RFX4: variants seen among roughly 807,000 people sequenced by gnomAD.
RFX4 encodes transcription factor RFX4.
Under a neutral mutation model 95.0 loss-of-function variants are expected in RFX4, and 10 were observed. The observed-to-expected ratio is 0.11, with a 90% CI of 0.06 to 0.18. The LOEUF (loss-of-function observed/expected upper bound fraction) is 0.18. Ranked by LOEUF, RFX4 falls within the 10% of genes least tolerant of loss-of-function variation. The pLI is 1.00. For missense variants in RFX4, 640 were observed against 922.0 expected, an observed-to-expected ratio of 0.69 and a Z score of 3.96; for synonymous variants, 321 against 340.7, an observed-to-expected ratio of 0.94 and a Z score of 0.64.
chr12:106,736,529 G>A (rs2042711958), intron 15 of RFX4, among the ~76,000 whole-genome samples: 1 of 152,210 alleles, frequency 6.6e-6, no homozygotes, highest in South Asian at 2.1e-4. Context: ...GATGAAAACC[G>A]ACTCTCTTAA....
chr12:106,746,004 A>G (rs1042840695), intron 15 of RFX4, among the ~76,000 whole-genome samples: 5 of 151,928 alleles, frequency 3.3e-5, no homozygotes, highest in African/African-American at 1.2e-4. Flanking sequence ...AGGTAGGAGG[A>G]TCACTTGAGA....
At chr12:106,641,495 A>T (rs1047112947) in intron 3 of RFX4, among the ~76,000 whole-genome samples, 1 of 152,190 alleles carries the variant, frequency 6.6e-6, no homozygotes, top group African/African-American at 2.4e-5. Context: ...GACCACCTGG[A>T]GCAGGCCCCG....
intron 4 of RFX4, among the ~76,000 whole-genome samples, chr12:106,669,720 G>C (rs60276653): frequency 2.6e-5 from 4 of 151,784 alleles, no homozygotes; most frequent in Non-Finnish European, 4.4e-5. Context: ...AAAAAAATAC[G>C]TACATAGACA....
chr12:106,684,049 G>C (rs1014518003), intron 5 of RFX4, among the ~76,000 whole-genome samples: 1 of 152,082 alleles, frequency 6.6e-6, no homozygotes, highest in Non-Finnish European at 1.5e-5. Flanking sequence ...AACTCCCTTG[G>C]CAAATTGACA....
intron 13 of RFX4, among the ~76,000 whole-genome samples, chr12:106,726,922 C>T (rs2042510683): frequency 6.6e-6 from 1 of 151,978 alleles, no homozygotes; most frequent in African/African-American, 2.4e-5. Context: ...CAGGTGTGTA[C>T]CACCACGCCC....
chr12:106,760,919 G>C (rs980881019), intron 17 of RFX4, among the ~76,000 whole-genome samples: 1 of 151,904 alleles, frequency 6.6e-6, no homozygotes, highest in African/African-American at 2.4e-5. Flanking sequence ...TCTCATTTTG[G>C]GTTTGACTTC....
At chr12:106,666,735 G>T (rs535659023) in intron 4 of RFX4, among the ~76,000 whole-genome samples, 6 of 152,198 alleles carry the variant, frequency 3.9e-5, no homozygotes, top group Admixed American at 3.3e-4. Context: ...CAGTGTTTTT[G>T]ATCTTTAGCA....
At chr12:106,692,266 A>C (rs1163285331) in intron 7 of RFX4, among the ~76,000 whole-genome samples, 2 of 152,188 alleles carry the variant, frequency 1.3e-5, no homozygotes, top group South Asian at 2.1e-4. Context: ...TTGAGTCTCA[A>C]ATCTGCCACT....
chr12:106,750,246 G>A (rs2042974225), intron 16 of RFX4, among the ~76,000 whole-genome samples: 1 of 152,164 alleles, frequency 6.6e-6, no homozygotes. Context: ...GGAGGCCAAG[G>A]TGGGTGGATC....
chr12:106,732,001 A>C, intron 13 of RFX4, 129 bp from the exon 14 acceptor site: 1 of 1,334,968 alleles, frequency 7.5e-7, no homozygotes, highest in Non-Finnish European at 1.0e-6. Flanking sequence ...AGGAGATCAT[A>C]ATTGAGTGGA....
chr12:106,620,819 C>T (rs975687134), intron 2 of RFX4, among the ~76,000 whole-genome samples: 4 of 152,002 alleles, frequency 2.6e-5, no homozygotes, highest in African/African-American at 9.7e-5. Context: ...ACTCCCAGAG[C>T]GGCTGTTTAT....
chr12:106,664,255 G>C (rs1167185319), intron 4 of RFX4, among the ~76,000 whole-genome samples: 1 of 151,836 alleles, frequency 6.6e-6, no homozygotes, highest in East Asian at 1.9e-4. Context: ...GACCTATTCT[G>C]TCTGTTTCTT....
chr12:106,689,795 T>C (rs1026902081), intron 7 of RFX4, among the ~76,000 whole-genome samples: 3 of 152,196 alleles, frequency 2.0e-5, no homozygotes, highest in African/African-American at 7.2e-5. Context: ...TTGGAGCTGG[T>C]TACCCTCCAT....
chr12:106,750,712 G>C lies in RFX4; in HGVS notation c.1854G>C (p.Gln618His). The change falls in exon 17 of 18, where the codon CAG (glutamine) becomes CAC (histidine). Residue 618 changes from glutamine (Q) to histidine (H), a missense_variant. Gln to His is a conservative substitution (Grantham distance 24). Around this residue, in one of 7 missense-constraint regions of RFX4, gnomAD observed 300 missense variants for 346.8 expected, o/e 0.87. Transcript: ENST00000392842. Reference protein sequence around the residue: ...SYGNQHPHPMQSQYPALPHDT... With the variant: ...SYGNQHPHPMHSQYPALPHDT... ...GCAACCAGCATCCTCACCCCATGCA[G>C]AGCCAGTATCCGGCCCTCCCTCATG... is the stretch of plus-strand genomic sequence containing the variant. 2 of 1,611,740 alleles carry C rather than the reference G, an allele frequency of 1.2e-6. No homozygotes were observed. Among genetic ancestry groups the C allele is most frequent in the Non-Finnish European group, 1.7e-6 (2 of 1,179,084 alleles).
At chr12:106,678,428 A>C (rs988416916) in intron 4 of RFX4, among the ~76,000 whole-genome samples, 1 of 152,252 alleles carries the variant, frequency 6.6e-6, no homozygotes, top group African/African-American at 2.4e-5. Context: ...TGCTTTCTTC[A>C]ATTATCTACG....
chr12:106,641,859 A>G (rs1379410246), intron 3 of RFX4, among the ~76,000 whole-genome samples: 1 of 152,164 alleles, frequency 6.6e-6, no homozygotes, highest in Non-Finnish European at 1.5e-5. Flanking sequence ...TCCTTGTTCT[A>G]GGCTCTGGAA....
intron 7 of RFX4, among the ~76,000 whole-genome samples, chr12:106,695,271 T>C (rs1462796727): frequency 6.6e-6 from 1 of 152,172 alleles, no homozygotes; most frequent in Non-Finnish European, 1.5e-5. Flanking sequence ...AGCTTCGAGA[T>C]GGGCTGCTCC....
chr12:106,706,951 G>A (rs547512720), intron 8 of RFX4, among the ~76,000 whole-genome samples: 8 of 152,314 alleles, frequency 5.3e-5, no homozygotes, highest in African/African-American at 1.9e-4. Flanking sequence ...TTGTGTGCGT[G>A]TGTGTATACA....
intron 5 of RFX4, among the ~76,000 whole-genome samples, chr12:106,686,570 G>C (rs1405189674): frequency 6.6e-6 from 1 of 152,134 alleles, no homozygotes; most frequent in African/African-American, 2.4e-5. Flanking sequence ...CTAGACATGA[G>C]AGATCAAGTA....
Sources: gnomAD v4.1 joint callset for allele counts (sites outside exome capture counted in the v4.1 genomes callset) on GRCh38, gnomAD v4.1.1 for gene constraint, gnomAD v4.1.1 regional missense constraint, MANE v1.5 for transcripts, NCBI Gene and HGNC (gene_info 2026-07-23, HGNC 2026-07-21) for gene names.